NOL10: variants seen among roughly 807,000 people sequenced by gnomAD.
NOL10 encodes the protein H_NH0074G24.1.
A neutral mutation model predicts 103.5 loss-of-function variants in NOL10; 58 were observed. That is an observed-to-expected ratio of 0.56 (90% CI 0.45 to 0.70). NOL10 has a LOEUF of 0.70. NOL10 is among the 30% of genes least tolerant of loss of function. The probability of loss-of-function intolerance (pLI) is 0.00; values close to 1 mark genes in which losing one functional copy is unlikely to be tolerated. For missense variants in NOL10, 763 were observed against 807.3 expected (o/e 0.95, Z 0.67); for synonymous variants, 287 against 282.5 (o/e 1.02, Z -0.16).
At chr2:10,671,494 A>G (rs1013256328) in intron 6 of NOL10, 60 bp downstream of exon 6, 3 of 1,342,370 alleles carry the variant, frequency 2.2e-6, no homozygotes, top group African/African-American at 1.5e-5. Context: ...CACGAAATTT[A>G]GGAACAGAAG....
chr2:10,653,897 TTCTC>T (rs1317760056), intron 12 of NOL10, among the ~76,000 whole-genome samples: 1 of 152,166 alleles, frequency 6.6e-6, no homozygotes, highest in East Asian at 1.9e-4. Context: ...TCTGCCTTAC[TTCTC>T]TCTATCAAGA....
intron 13 of NOL10, among the ~76,000 whole-genome samples, chr2:10,640,277 C>T (rs148575735): frequency 1.3e-5 from 2 of 152,148 alleles, no homozygotes; most frequent in Non-Finnish European, 2.9e-5. Flanking sequence ...GGCTTTCAGA[C>T]CCCTGGGCTC....
At chr2:10,604,771 A>G (rs1313562203) in intron 14 of NOL10, 1 of 152,226 alleles carries the variant, frequency 6.6e-6, no homozygotes, top group Non-Finnish European at 1.5e-5. Context: ...AATCGGATGC[A>G]GCAGCATTTC....
intron 19 of NOL10, among the ~76,000 whole-genome samples, chr2:10,579,236 TA>T (rs1314155941): frequency 1.3e-5 from 2 of 152,238 alleles, no homozygotes; most frequent in Non-Finnish European, 2.9e-5. Flanking sequence ...TTCTAAGCAA[TA>T]ATGTTATTAA....
At chr2:10,618,207 C>A (rs907856335) in intron 13 of NOL10, among the ~76,000 whole-genome samples, 1 of 149,716 alleles carries the variant, frequency 6.7e-6, no homozygotes, top group Non-Finnish European at 1.5e-5. Flanking sequence ...GGATAAACTT[C>A]ATGGTATGTG....
At chr2:10,583,212 C>T (rs1023582524) in intron 19 of NOL10, among the ~76,000 whole-genome samples, 1 of 152,236 alleles carries the variant, frequency 6.6e-6, no homozygotes, top group Non-Finnish European at 1.5e-5. Context: ...TAGTTCTAGG[C>T]AATCAGTACA....
intron 13 of NOL10, among the ~76,000 whole-genome samples, chr2:10,638,293 ATAACG>A (rs756403082): frequency 4.2e-4 from 55 of 130,946 alleles, no homozygotes; most frequent in East Asian, 6.5e-4. Context: ...TCATTCAAAA[ATAACG>A]TAACGTGACG....
intron 13 of NOL10, among the ~76,000 whole-genome samples, chr2:10,640,324 C>CCA (rs1371885312): frequency 2.0e-5 from 3 of 152,162 alleles, no homozygotes; most frequent in African/African-American, 7.2e-5. Flanking sequence ...AGAGCAGTTT[C>CCA]CAAGTAAAGA....
intron 13 of NOL10, among the ~76,000 whole-genome samples, chr2:10,626,078 G>A (rs577856023): frequency 1.6e-4 from 25 of 152,050 alleles, no homozygotes; most frequent in Non-Finnish European, 3.1e-4. Flanking sequence ...GCTGCATGGG[G>A]CTGAGGTAGG....
chr2:10,671,416 T>C (rs1680930085), intron 6 of NOL10, 138 bp downstream of exon 6: 3 of 710,054 alleles, frequency 4.2e-6, no homozygotes, highest in Non-Finnish European at 6.2e-6. Context: ...TTTCTTTTTT[T>C]TTTTTTTTTT....
intron 9 of NOL10, among the ~76,000 whole-genome samples, chr2:10,660,441 C>T (rs1680121686): frequency 6.6e-6 from 1 of 152,022 alleles, no homozygotes; most frequent in South Asian, 2.1e-4. Context: ...TTCAGCCTCC[C>T]GAGTAGCTGG....
chr2:10,657,662 A>C (rs1394202569), intron 11 of NOL10, 80 bp downstream of exon 11: 11 of 1,256,806 alleles, frequency 8.8e-6, no homozygotes, highest in Non-Finnish European at 1.2e-5. Context: ...TAACCCACAT[A>C]AAAAAGGAAA....
chr2:10,608,830 C>CA (rs1676395247), intron 13 of NOL10, among the ~76,000 whole-genome samples: 1 of 152,102 alleles, frequency 6.6e-6, no homozygotes. Context: ...CTATGGTACT[C>CA]ATAAACATGA....
intron 1 of NOL10, 135 bp downstream of exon 1, chr2:10,689,661 C>T (rs1682486202): frequency 5.8e-6 from 5 of 854,852 alleles, no homozygotes; most frequent in Non-Finnish European, 9.1e-6. Flanking sequence ...TGTCAGCCGC[C>T]TCTGGGCCTC....
Position 10,689,893 on chromosome 2 carries a change from C to T in NOL10, c.-32G>A. 6.3e-7 allele frequency: 1 copy of T among 1,583,904 alleles called. No homozygotes were observed. Among genetic ancestry groups the T allele is most frequent in the Non-Finnish European group, 8.6e-7 (1 of 1,164,256 alleles). Reference sequence around the variant, plus strand: ...GCACAACACTGTTCAAGTCCCGGGTCCTTTCCCACCAGCGTGCTCGAGCAC... The same window carrying T: ...GCACAACACTGTTCAAGTCCCGGGTTCTTTCCCACCAGCGTGCTCGAGCAC... On this transcript the variant is annotated 5_prime_UTR_variant, in exon 1 of 21. Coordinates refer to ENST00000381685, the MANE Select transcript of NOL10 (RefSeq NM_024894.4).
intron 17 of NOL10, among the ~76,000 whole-genome samples, chr2:10,595,890 C>A (rs775266540): frequency 1.5e-5 from 2 of 137,476 alleles, no homozygotes; most frequent in African/African-American, 2.6e-5. Context: ...CAGGTGTGAG[C>A]CCATAATGTT....
chr2:10,572,081 G>A lies in NOL10; in HGVS notation c.2057C>T (p.Ser686Leu), dbSNP rs755818598. The change falls in exon 21 of 21, where the codon TCG becomes TTG. Residue 686 changes from serine (S) to leucine (L), a missense_variant. Physicochemically the swap from Ser to Leu is moderately radical, Grantham distance 145 (BLOSUM62 -2). Coordinates refer to ENST00000381685, the MANE Select transcript of NOL10 (RefSeq NM_024894.4). ...GGACCACTTCCCAAATCAATGAAAC[G>A]ACCGTCCTCTTTTGTGTCTTGACTT... ...HLKSRHKRGRSFH is the reference protein window; with the variant it reads ...HLKSRHKRGRLFH The A allele has an allele frequency of 5.6e-6, 9 of 1,613,498 alleles. No homozygotes were observed. The East Asian group carries it at 1.1e-4, about 20-fold the overall frequency.
intron 20 of NOL10, among the ~76,000 whole-genome samples, chr2:10,574,296 C>T (rs1239363640): frequency 6.6e-6 from 1 of 151,906 alleles, no homozygotes; most frequent in Non-Finnish European, 1.5e-5. Context: ...AGTGAACCAA[C>T]ACCAGTTACT....
chr2:10,577,638 T>A lies in NOL10; in HGVS notation c.1945A>T (p.Arg649Trp), dbSNP rs1423793216. The change falls in exon 20 of 21, where the codon AGG becomes TGG. Residue 649 changes from arginine (R) to tryptophan (W), a missense_variant and splice_region_variant. Arg to Trp is a moderately radical substitution (Grantham distance 101). Transcript: ENST00000381685. ...GSKQLTFTLKRSEQQKKQQEA... is the reference protein window; with the variant it reads ...GSKQLTFTLKWSEQQKKQQEA... ...AATAACAATAAAAGACAACTCACCC[T>A]CTTTAACGTGAATGTCAATTGTTTG... 1 of 1,603,550 alleles carries A rather than the reference T, an allele frequency of 6.2e-7. No individual in the cohort carries two copies. Among genetic ancestry groups the A allele is most frequent in the Non-Finnish European group, 8.5e-7 (1 of 1,172,410 alleles).
Sources: gnomAD v4.1 joint callset for allele counts (sites outside exome capture counted in the v4.1 genomes callset) on GRCh38, gnomAD v4.1.1 for gene constraint, MANE v1.5 for transcripts, NCBI Gene and HGNC (gene_info 2026-07-23, HGNC 2026-07-21) for gene names.